Variants in DNMBP observed in about 807,000 individuals in gnomAD.
DNMBP encodes the protein dynamin-binding protein.
In DNMBP, 87 loss-of-function variants were observed where a neutral mutation model predicts 150.0. The ratio of observed to expected loss-of-function variants is 0.58; its 90% confidence interval spans 0.49 to 0.69. DNMBP has a LOEUF of 0.69. Among genes scored for constraint, DNMBP ranks in the 30% least tolerant of loss-of-function variants. The probability of loss-of-function intolerance (pLI) is 0.00; values close to 1 mark genes in which losing one functional copy is unlikely to be tolerated. For missense variants in DNMBP, 1,774 were observed against 1,949.0 expected (o/e 0.91, Z 1.69); for synonymous variants, 711 against 750.4 (o/e 0.95, Z 0.86).
rs1416299470 is a variant in DNMBP at position 99,884,096 on chromosome 10, G to A, written c.3912C>T (p.Val1304=). 1.2e-6 allele frequency: 2 copies of A among 1,613,988 alleles called. No homozygotes were observed. The highest frequency in any genetic ancestry group is 8.5e-7 in the Non-Finnish European group (1 of 1,180,052). Residue 1304 remains valine, a synonymous_variant, in exon 15 of 17, where the codon GTC becomes GTT. Transcript: ENST00000324109. ...RNFNAAQDLD[V]SLLEGDLVGV... is the part of the protein sequence containing the mutation. Reference sequence around the variant, plus strand: ...CCACCAGGTCACCTTCCAAAAGTGAGACATCCAAGTCTTGAGCAGCATTGA... The same window carrying A: ...CCACCAGGTCACCTTCCAAAAGTGAAACATCCAAGTCTTGAGCAGCATTGA...
intron 1 of DNMBP, among the ~76,000 whole-genome samples, chr10:99,974,028 C>T (rs989497106): frequency 6.6e-6 from 1 of 152,088 alleles, no homozygotes; most frequent in African/African-American, 2.4e-5. Flanking sequence ...ATGGCTCATG[C>T]CTATAATCCT....
At position 99,954,160 on chromosome 10, in the gene DNMBP, G is replaced by A. The variant is rs149018383; in HGVS notation, c.2260+1054C>T. On this transcript the variant is annotated intron_variant, in intron 4 of 16. Transcript: ENST00000324109. ...CAATCCTCCCACCTCAGCCTCCCGAGTAGCTGGGACTACTGGGATATACCA... is the reference window on the plus strand; with the variant it reads ...CAATCCTCCCACCTCAGCCTCCCGAATAGCTGGGACTACTGGGATATACCA... Among the ~76,000 whole-genome samples, 57 of 152,010 alleles carry A rather than the reference G, an allele frequency of 3.7e-4. 1 individual carries two copies. In the East Asian group the frequency reaches 5.1e-3, roughly 14 times the overall value.
chr10:99,878,784 AAG>A (rs2039314048), intron 16 of DNMBP, among the ~76,000 whole-genome samples: 1 of 152,174 alleles, frequency 6.6e-6, no homozygotes, highest in South Asian at 2.1e-4. Context: ...CGGTGCAGCA[AAG>A]ACTCTGCAGC....
At chr10:99,994,948 G>A (rs2040935775) in intron 1 of DNMBP, among the ~76,000 whole-genome samples, 1 of 152,114 alleles carries the variant, frequency 6.6e-6, no homozygotes, top group Non-Finnish European at 1.5e-5. Flanking sequence ...TAAAGAGACA[G>A]GGTCTTGCTA....
At chr10:99,979,321 C>G (rs2040760757) in intron 1 of DNMBP, among the ~76,000 whole-genome samples, 1 of 152,156 alleles carries the variant, frequency 6.6e-6, no homozygotes, top group Admixed American at 6.5e-5. Flanking sequence ...AAAGCCCGAG[C>G]ACTAATCTCA....
At chr10:99,877,456 A>C in intron 16 of DNMBP, 120 bp from the exon 17 acceptor site, 1 of 684,418 alleles carries the variant, frequency 1.5e-6, no homozygotes, top group South Asian at 2.3e-5. Flanking sequence ...GAGCCCCTGA[A>C]ATATGGCCAG....
At chr10:99,984,100 T>C (rs954494803) in intron 1 of DNMBP, among the ~76,000 whole-genome samples, 11 of 152,344 alleles carry the variant, frequency 7.2e-5, no homozygotes, top group African/African-American at 2.6e-4. Context: ...ACTGCTGTTT[T>C]CCTTCCATTT....
At chr10:99,922,925 C>T (rs1008646675) in intron 4 of DNMBP, among the ~76,000 whole-genome samples, 2 of 152,138 alleles carry the variant, frequency 1.3e-5, no homozygotes. Context: ...CAAACATTTT[C>T]TCCTTTTCTT....
chr10:99,971,636 C>T (rs1234472399), intron 2 of DNMBP, among the ~76,000 whole-genome samples: 1 of 152,082 alleles, frequency 6.6e-6, no homozygotes, highest in African/African-American at 2.4e-5. Flanking sequence ...ATTCTCCAGC[C>T]TTGCCTCCTG....
chr10:99,980,446 CAA>C (rs35133099), intron 1 of DNMBP, among the ~76,000 whole-genome samples: 1,246 of 118,176 alleles, frequency 0.011, 17 homozygotes, highest in African/African-American at 0.035. Context: ...GACTCCGTCT[CAA>C]AAAAAAAAAA....
At chr10:99,931,395 C>T (rs930586122) in intron 4 of DNMBP, among the ~76,000 whole-genome samples, 7 of 152,194 alleles carry the variant, frequency 4.6e-5, no homozygotes, top group Non-Finnish European at 7.3e-5. Flanking sequence ...TTAGTGTACA[C>T]TCCAATCGCA....
chr10:99,894,286 C>T (rs955233993), intron 11 of DNMBP, among the ~76,000 whole-genome samples: 3 of 152,122 alleles, frequency 2.0e-5, no homozygotes, highest in African/African-American at 4.8e-5. Context: ...ATCAGAGGGA[C>T]AGGAGTATCC....
At position 99,875,978 on chromosome 10, in the gene DNMBP, C is replaced by CTTA. The variant is rs2039265274; in HGVS notation, c.*1170_*1172dup. ...CATGGAAGTTAGTGGTGAAAAAAAT[C>CTTA]TTATTTCCAAGTCTAGGATAAGCTA... On this transcript the variant is annotated 3_prime_UTR_variant, in exon 17 of 17. Transcript: ENST00000324109. 2 of 152,254 alleles carry CTTA rather than the reference C, an allele frequency of 1.3e-5. No individual in the cohort carries two copies. Among genetic ancestry groups the CTTA allele is most frequent in the South Asian group, 2.1e-4 (1 of 4,826 alleles). 9.4% of individuals were successfully genotyped at this position (152,254 alleles called of 1,614,324 possible). A position where few individuals can be genotyped will look rare whatever the true frequency, so the allele number is the denominator to read the frequency against.
In DNMBP at chr10:99,900,945, T is replaced by A. The variant is rs187354453; in HGVS notation, c.2555-879A>T. On this transcript the variant is annotated intron_variant, in intron 6 of 16. Coordinates refer to ENST00000324109, the MANE Select transcript of DNMBP (RefSeq NM_015221.4). The stretch of plus-strand genomic sequence containing the variant: ...ATGATATAGTAACCTATATACTACT[T>A]TAGTTTTTTTGAGGCAGGGTCTCAC... 1.1e-3 allele frequency among the ~76,000 whole-genome samples: 163 copies of A among 152,220 alleles called. 1 individual carries two copies. The highest frequency in any genetic ancestry group is 1.7e-3 in the Admixed American group (26 of 15,282).
intron 1 of DNMBP, among the ~76,000 whole-genome samples, chr10:99,982,011 T>A (rs972592866): frequency 1.3e-5 from 2 of 152,202 alleles, no homozygotes; most frequent in Non-Finnish European, 1.5e-5. Context: ...TCCTTTGTTA[T>A]TTTCCCTAAA....
At position 99,935,526 on chromosome 10, in the gene DNMBP, A is replaced by G. The variant is rs540238730; in HGVS notation, c.2260+19688T>C. On this transcript the variant is annotated intron_variant, in intron 4 of 16. Coordinates refer to ENST00000324109, the MANE Select transcript of DNMBP (RefSeq NM_015221.4). ...CTCAGCCTCACGAGTAGCTGAGACT[A>G]CAGGCAATAGCCACCTTGCCTGAGT... Among the ~76,000 whole-genome samples the G allele has an allele frequency of 1.1e-4, 17 of 152,226 alleles. No individual in the cohort carries two copies. In the East Asian group the frequency reaches 2.5e-3, roughly 22 times the overall value.
rs138943055 is a variant in DNMBP at position 99,979,629 on chromosome 10, T to C, written c.-10-7495A>G. 5.1e-3 allele frequency among the ~76,000 whole-genome samples: 784 copies of C among 152,304 alleles called. 7 individuals carry two copies. The highest frequency in any genetic ancestry group is 0.015 in the African/African-American group (623 of 41,560). ...GCTCCAAGACACAAGAGCTCCATGA[T>C]CATGATAAACTCCAGGAAGGCTATA... is the stretch of plus-strand genomic sequence containing the variant. On this transcript the variant is annotated intron_variant, in intron 1 of 16. Coordinates refer to ENST00000324109, the MANE Select transcript of DNMBP (RefSeq NM_015221.4).
chr10:99,918,164 C>G (rs1020134161), intron 4 of DNMBP, among the ~76,000 whole-genome samples: 4 of 151,932 alleles, frequency 2.6e-5, no homozygotes, highest in African/African-American at 9.7e-5. Context: ...ATCACAAACC[C>G]TGGTTTTCCG....
At position 99,880,269 on chromosome 10, in the gene DNMBP, CTG is replaced by C. The variant is rs776848171; in HGVS notation, c.4088_4089del (p.Thr1363ArgfsTer3). The stretch of plus-strand genomic sequence containing the variant: ...GGGGAGGAGCTGCCGTGCTCAGACT[CTG>C]TGGAGGAGTGGCTACCCACGGAGGC... ...SDASVGSHSSTESEHGSSSPR... is the reference protein window; with the variant it reads ...SDASVGSHSSXESEHGSSSPR... On this transcript the variant is annotated frameshift_variant, in exon 16 of 17. Coordinates refer to ENST00000324109, the MANE Select transcript of DNMBP (RefSeq NM_015221.4). LOFTEE classifies it high-confidence loss of function. The C allele has an allele frequency of 2.2e-5, 35 of 1,613,952 alleles. No individual in the cohort carries two copies. Among genetic ancestry groups the C allele is most frequent in the South Asian group, 9.9e-5 (9 of 91,080 alleles).
Sources: gnomAD v4.1 joint callset for allele counts (sites outside exome capture counted in the v4.1 genomes callset) on GRCh38, gnomAD v4.1.1 for gene constraint, MANE v1.5 for transcripts, NCBI Gene and HGNC (gene_info 2026-07-23, HGNC 2026-07-21) for gene names.